Variants in ARHGEF3 observed in about 807,000 individuals in gnomAD.
ARHGEF3 encodes Rho guanine nucleotide exchange factor 3.
A neutral mutation model predicts 63.2 loss-of-function variants in ARHGEF3; 28 were observed. The observed-to-expected ratio is 0.44, with a 90% CI of 0.33 to 0.61. The LOEUF (loss-of-function observed/expected upper bound fraction) is 0.61. Ranked by LOEUF, ARHGEF3 falls within the 20% of genes least tolerant of loss-of-function variation. The pLI is 0.03. For synonymous variants in ARHGEF3, 266 were observed against 254.2 expected (o/e 1.05, Z -0.44); for missense variants, 533 against 659.3 (o/e 0.81, Z 2.10).
chr3:56,981,285 T>C (rs1279786809), intron 2 of ARHGEF3, among the ~76,000 whole-genome samples: 1 of 152,258 alleles, frequency 6.6e-6, no homozygotes, highest in Non-Finnish European at 1.5e-5. Context: ...AAGTTTGCAC[T>C]GGAAGATGAG....
chr3:56,802,173 C>G (rs79044637), upstream of ARHGEF3, among the ~76,000 whole-genome samples: 1,772 of 152,312 alleles, frequency 0.012, 35 homozygotes, highest in African/African-American at 0.04. Flanking sequence ...GAGCGTGGGC[C>G]GCGATTGCGG....
intron 2 of ARHGEF3, among the ~76,000 whole-genome samples, chr3:56,980,941 G>T (rs1701305784): frequency 6.6e-6 from 1 of 152,222 alleles, no homozygotes; most frequent in Non-Finnish European, 1.5e-5. Flanking sequence ...TTGTATGACT[G>T]CCAGTACTTC....
At chr3:57,060,001 A>C (rs1705134876) in intron 1 of ARHGEF3, among the ~76,000 whole-genome samples, 1 of 149,726 alleles carries the variant, frequency 6.7e-6, no homozygotes, top group South Asian at 2.1e-4. Flanking sequence ...TATCTCAAAA[A>C]TAAAAATAAA....
intron 2 of ARHGEF3, among the ~76,000 whole-genome samples, chr3:57,015,049 A>G (rs1330118615): frequency 6.6e-6 from 1 of 151,626 alleles, no homozygotes; most frequent in Non-Finnish European, 1.5e-5. Flanking sequence ...CAACAACCTG[A>G]AATTATTAAT....
Position 57,045,525 on chromosome 3 carries a change from C to T in ARHGEF3, c.-27-10349G>A, listed in dbSNP as rs138542629. On this transcript the variant is annotated intron_variant, in intron 1 of 12. Transcript: ENST00000338458. ...GTCTATGTCACATTGTCATCATTGT[C>T]CTCCTCCTCACCACAAGCAATGGCA... Among the ~76,000 whole-genome samples, 8 of 152,274 alleles carry T rather than the reference C, an allele frequency of 5.3e-5. No individual in the cohort carries two copies. In the East Asian group the frequency reaches 1.5e-3, roughly 29 times the overall value.
intron 1 of ARHGEF3, among the ~76,000 whole-genome samples, chr3:56,780,780 G>A (rs1056048596): frequency 6.6e-6 from 1 of 152,122 alleles, no homozygotes; most frequent in Non-Finnish European, 1.5e-5. Flanking sequence ...TTTTTGGCAA[G>A]AAAAAACACA....
At chr3:56,920,397 C>T (rs1188241449) in intron 3 of ARHGEF3, among the ~76,000 whole-genome samples, 1 of 152,124 alleles carries the variant, frequency 6.6e-6, no homozygotes, top group Non-Finnish European at 1.5e-5. Flanking sequence ...AACCATGTTT[C>T]CTGTGTTCTT....
At chr3:56,984,195 G>A (rs1701446274) in intron 2 of ARHGEF3, among the ~76,000 whole-genome samples, 1 of 152,138 alleles carries the variant, frequency 6.6e-6, no homozygotes, top group African/African-American at 2.4e-5. Context: ...ACCACACCGT[G>A]GGCTGCAGCC....
chr3:56,992,375 T>TAAAAAAAAAAAAAAAAAAAA (rs57740672), intron 2 of ARHGEF3, among the ~76,000 whole-genome samples: 1 of 46,152 alleles, frequency 2.2e-5, no homozygotes, highest in African/African-American at 5.1e-5. Context: ...AGGATGGCTT[T>TAAAAAAAAAAAAAAAAAAAA]AAAAAAAAAA....
chr3:57,039,640 ACT>A (rs1280232109), intron 1 of ARHGEF3, among the ~76,000 whole-genome samples: 4 of 151,638 alleles, frequency 2.6e-5, no homozygotes, highest in Admixed American at 1.3e-4. Flanking sequence ...TCTAGAGGAG[ACT>A]CTGTTCTCCT....
At chr3:56,951,217 A>G (rs1699794425) in intron 3 of ARHGEF3, among the ~76,000 whole-genome samples, 1 of 151,832 alleles carries the variant, frequency 6.6e-6, no homozygotes, top group Admixed American at 6.6e-5. Context: ...AACATGGCAC[A>G]TGTATACATA....
intron 3 of ARHGEF3, among the ~76,000 whole-genome samples, chr3:56,923,058 AT>A (rs1560053828): frequency 9.3e-4 from 15 of 16,154 alleles, no homozygotes; most frequent in African/African-American, 1.7e-3. Context: ...ATATATATAT[AT>A]ATATATATAT....
chr3:57,014,391 C>T (rs1702877366), intron 2 of ARHGEF3, among the ~76,000 whole-genome samples: 1 of 152,162 alleles, frequency 6.6e-6, no homozygotes, highest in Non-Finnish European at 1.5e-5. Context: ...CACGCCCCTT[C>T]CATCACCACC....
At chr3:56,808,348 G>A (rs923574501) in intron 4 of ARHGEF3, among the ~76,000 whole-genome samples, 1 of 152,106 alleles carries the variant, frequency 6.6e-6, no homozygotes, top group Admixed American at 6.6e-5. Flanking sequence ...TTGGGATGAC[G>A]AAGCAGGAGG....
intron 1 of ARHGEF3, chr3:57,073,752 G>C (rs779561078): frequency 6.2e-7 from 1 of 1,614,210 alleles, no homozygotes; most frequent in Non-Finnish European, 8.5e-7. Context: ...AGACACCTGG[G>C]AAATGAAGGC....
intron 1 of ARHGEF3, among the ~76,000 whole-genome samples, chr3:56,789,056 C>A (rs2036957759): frequency 6.9e-6 from 1 of 145,506 alleles, no homozygotes; most frequent in South Asian, 2.1e-4. Flanking sequence ...GCTGCTGCTG[C>A]TGCTGCTGCT....
intron 2 of ARHGEF3, among the ~76,000 whole-genome samples, chr3:56,769,043 G>C (rs577928998): frequency 6.6e-6 from 1 of 152,314 alleles, no homozygotes; most frequent in South Asian, 2.1e-4. Flanking sequence ...GGATTGTTTT[G>C]GAGTTGGAAG....
intron 3 of ARHGEF3, among the ~76,000 whole-genome samples, chr3:56,895,550 G>T (rs1437548976): frequency 6.6e-6 from 1 of 151,640 alleles, no homozygotes; most frequent in Non-Finnish European, 1.5e-5. Flanking sequence ...TGCAAGCTCC[G>T]CCTCCTGGGT....
Position 56,747,357 on chromosome 3 carries a change from G to T in ARHGEF3, c.613-1895C>A, listed in dbSNP as rs189303526. On this transcript the variant is annotated intron_variant, in intron 6 of 9. Transcript: ENST00000296315. ...CCCTGCTACCATGGCAACCAAATGGGGCTCTGGTCCTGTGCTCTCACCTGA... is the reference window on the plus strand; with the variant it reads ...CCCTGCTACCATGGCAACCAAATGGTGCTCTGGTCCTGTGCTCTCACCTGA... Among the ~76,000 whole-genome samples, 1,000 of 152,252 alleles carry T rather than the reference G, an allele frequency of 6.6e-3. 9 individuals carry two copies. Among genetic ancestry groups the T allele is most frequent in the Non-Finnish European group, 0.01 (700 of 68,018 alleles).
Sources: allele counts gnomAD v4.1 joint callset (sites outside exome capture counted in the v4.1 genomes callset), GRCh38; gene constraint gnomAD v4.1.1; transcripts MANE v1.5; gene names NCBI Gene and HGNC (gene_info 2026-07-23, HGNC 2026-07-21).